Variants in NRXN3 observed in about 807,000 individuals in gnomAD.
NRXN3 encodes the protein neurexin III.
In NRXN3, 32 loss-of-function variants were observed where a neutral mutation model predicts 137.6. The ratio of observed to expected loss-of-function variants is 0.23; its 90% CI spans 0.18 to 0.31. The LOEUF (loss-of-function observed/expected upper bound fraction) is 0.31. Ranked by LOEUF, NRXN3 falls within the 10% of genes least tolerant of loss-of-function variation. The probability of loss-of-function intolerance (pLI) is 1.00; values close to 1 mark genes in which losing one functional copy is unlikely to be tolerated. For missense variants in NRXN3, 1,574 were observed against 2,062.5 expected (o/e 0.76, Z 4.59); for synonymous variants, 798 against 784.5 (o/e 1.02, Z -0.29).
In NRXN3 at chr14:78,868,036, T is replaced by C. The variant is rs547893161; in HGVS notation, c.2275+57692T>C. Among the ~76,000 whole-genome samples the C allele has an allele frequency of 4.9e-4, 73 of 148,360 alleles. 1 individual carries two copies. The highest frequency in any genetic ancestry group is 3.6e-3 in the Middle Eastern group (1 of 280). ...AATTTATTATAAATTTATATATAAA[T>C]TTTAATATAAAATATACTTAATTTT... is the stretch of plus-strand genomic sequence containing the variant. On this transcript the variant is annotated intron_variant, in intron 10 of 20. Coordinates refer to ENST00000335750, the MANE Select transcript of NRXN3 (RefSeq NM_001330195.2).
chr14:79,582,953 T>C (rs1397523904), intron 16 of NRXN3, among the ~76,000 whole-genome samples: 1 of 152,202 alleles, frequency 6.6e-6, no homozygotes, highest in African/African-American at 2.4e-5. Flanking sequence ...CAAGTTAGTC[T>C]TAGGTATCTT....
At position 79,684,423 on chromosome 14, in the gene NRXN3, T is replaced by C. The variant is rs545847265; in HGVS notation, c.3617-7750T>C. Among the ~76,000 whole-genome samples, 4 of 152,272 alleles carry C rather than the reference T, an allele frequency of 2.6e-5. No individual in the cohort carries two copies. In the South Asian group the frequency reaches 8.3e-4, roughly 32 times the overall value. ...TGTGGGTGGTGACTAGAACAGTGAT[T>C]GTTACTTTTAGATATTTTGGGAATA... On this transcript the variant is annotated intron_variant, in intron 17 of 20. Transcript: ENST00000335750.
intron 4 of NRXN3, among the ~76,000 whole-genome samples, chr14:78,541,527 A>G (rs1244740525): frequency 1.3e-5 from 2 of 152,010 alleles, no homozygotes. Flanking sequence ...ATATTTTTTC[A>G]AGGTTCTTAG....
intron 15 of NRXN3, among the ~76,000 whole-genome samples, chr14:79,306,795 C>T (rs1477073079): frequency 6.6e-6 from 1 of 152,110 alleles, no homozygotes; most frequent in Non-Finnish European, 1.5e-5. Context: ...TTTTCAACAC[C>T]TTCCATTAAC....
intron 6 of NRXN3, among the ~76,000 whole-genome samples, chr14:78,675,135 C>T (rs2097987831): frequency 6.6e-6 from 1 of 152,164 alleles, no homozygotes; most frequent in Non-Finnish European, 1.5e-5. Context: ...TCTCTCTGGT[C>T]TCCTTGTCCT....
At position 79,021,921 on chromosome 14, in the gene NRXN3, T is replaced by C. The variant is rs77496834; in HGVS notation, c.3262+33780T>C. ...AGTTGTGGCATAGTGTTGGGTGATTTAAAACTCAGGGGCAAGACAGTAAAC... is the reference window on the plus strand; with the variant it reads ...AGTTGTGGCATAGTGTTGGGTGATTCAAAACTCAGGGGCAAGACAGTAAAC... On this transcript the variant is annotated intron_variant, in intron 15 of 20. Transcript: ENST00000335750. 7.0e-3 allele frequency among the ~76,000 whole-genome samples: 1,059 copies of C among 152,288 alleles called. 12 individuals carry two copies. Among genetic ancestry groups the C allele is most frequent in the African/African-American group, 0.024 (1,005 of 41,570 alleles).
At position 78,645,214 on chromosome 14, in the gene NRXN3, C is replaced by A; in HGVS notation, c.852C>A (p.Thr284=). ...NPIQSSSDEI[T]LSFKTWQRNG... is the part of the protein sequence containing the mutation. ...TCCAGAGCAGCAGTGATGAAATCAC[C>A]CTCTCCTTTAAGACCTGGCAGCGTA... is the stretch of plus-strand genomic sequence containing the variant. The change falls in exon 5 of 21, where the codon ACC becomes ACA. Residue 284 remains threonine (T), a synonymous_variant. Transcript: ENST00000335750. 6.3e-7 allele frequency: 1 copy of A among 1,598,354 alleles called. No individual in the cohort carries two copies. The highest frequency in any genetic ancestry group is 8.5e-7 in the Non-Finnish European group (1 of 1,179,676).
chr14:78,805,654 G>T (rs2098861008), intron 9 of NRXN3, among the ~76,000 whole-genome samples: 1 of 149,894 alleles, frequency 6.7e-6, no homozygotes, highest in Non-Finnish European at 1.5e-5. Context: ...CACTGAAAAA[G>T]ATGATGAAGA....
chr14:78,782,445 A>C (rs1049263211), intron 8 of NRXN3, among the ~76,000 whole-genome samples: 2 of 152,304 alleles, frequency 1.3e-5, no homozygotes, highest in Admixed American at 1.3e-4. Flanking sequence ...ACTCTGAAAA[A>C]CAACGCCTCT....
chr14:79,675,282 C>T (rs1214000026), intron 17 of NRXN3, among the ~76,000 whole-genome samples: 1 of 151,936 alleles, frequency 6.6e-6, no homozygotes, highest in Non-Finnish European at 1.5e-5. Context: ...ATATTAACTT[C>T]AATATTTTAT....
intron 15 of NRXN3, among the ~76,000 whole-genome samples, chr14:79,109,900 A>C (rs1002575968): frequency 6.6e-6 from 1 of 152,090 alleles, no homozygotes. Flanking sequence ...TTTCTATTTA[A>C]AAAATAATAA....
At chr14:79,283,413 T>C (rs2081622068) in intron 15 of NRXN3, among the ~76,000 whole-genome samples, 2 of 152,144 alleles carry the variant, frequency 1.3e-5, no homozygotes, top group South Asian at 2.1e-4. Context: ...CTTTCTCTAC[T>C]ATCCAGACCT....
rs1433038058 is a variant in NRXN3, at chr14:79,348,391, T to TTG, written c.3263-118829_3263-118828insGT. On this transcript the variant is annotated intron_variant, in intron 15 of 20. Transcript: ENST00000335750. Reference sequence around the variant, plus strand: ...TTAATCTTCTCTCTTTTTTTTTTTTTTTGAGACAGAGTCTCGCTCTGTCGC... The same window carrying TTG: ...TTAATCTTCTCTCTTTTTTTTTTTTTTGTTGAGACAGAGTCTCGCTCTGTCGC... Among the ~76,000 whole-genome samples the TTG allele has an allele frequency of 2.2e-4, 33 of 151,546 alleles. No individual in the cohort carries two copies. In the South Asian group the frequency reaches 4.6e-3, roughly 21 times the overall value.
chr14:79,024,606 T>C (rs1202730235), intron 15 of NRXN3, among the ~76,000 whole-genome samples: 1 of 152,122 alleles, frequency 6.6e-6, no homozygotes, highest in Non-Finnish European at 1.5e-5. Context: ...CAGAACATCA[T>C]TTTAGTGCAG....
In NRXN3 at chr14:78,926,753, A is replaced by T. The variant is rs1426572873; in HGVS notation, c.2276-30489A>T. ...TAATATAAAATATATATTATATATTATATATATATTATATATATTATATAT... is the reference window on the plus strand; with the variant it reads ...TAATATAAAATATATATTATATATTTTATATATATTATATATATTATATAT... On this transcript the variant is annotated intron_variant, in intron 10 of 20. Transcript: ENST00000335750. 6.4e-4 allele frequency among the ~76,000 whole-genome samples: 35 copies of T among 55,038 alleles called. 1 individual carries two copies. The highest frequency in any genetic ancestry group is 4.1e-3 in the African/African-American group (35 of 8,458). The allele number at this position is 55,038 out of a possible 152,430, so 36.1% of individuals were successfully genotyped here.
rs553962533 is a variant in NRXN3, at chr14:78,194,828, G to T, written c.-704+24154G>T. ...ATTTCAGCCTTGAGCCCTCTCAGGG[G>T]CCCAGCCAGCAATCTACGCCCCGGC... On this transcript the variant is annotated intron_variant, in intron 1 of 20. Transcript: ENST00000335750. Among the ~76,000 whole-genome samples, 53 of 152,198 alleles carry T rather than the reference G, an allele frequency of 3.5e-4. 1 individual carries two copies. Among genetic ancestry groups the T allele is most frequent in the Non-Finnish European group, 7.3e-4 (50 of 68,028 alleles).
intron 15 of NRXN3, among the ~76,000 whole-genome samples, chr14:79,163,602 C>T (rs2061008431): frequency 2.0e-5 from 3 of 151,744 alleles, no homozygotes; most frequent in Non-Finnish European, 4.4e-5. Flanking sequence ...ACTCTGTTTA[C>T]CCCCATTGTA....
intron 15 of NRXN3, among the ~76,000 whole-genome samples, chr14:79,347,766 A>G (rs1161305207): frequency 6.6e-6 from 1 of 152,174 alleles, no homozygotes; most frequent in Non-Finnish European, 1.5e-5. Flanking sequence ...TGGTATTGAC[A>G]CAGAAATGCT....
intron 15 of NRXN3, among the ~76,000 whole-genome samples, chr14:79,358,427 A>T (rs918329832): frequency 1.3e-5 from 2 of 151,132 alleles, no homozygotes; most frequent in Non-Finnish European, 2.9e-5. Flanking sequence ...AAACAAAATC[A>T]GCCAGGCATG....
Sources: gnomAD v4.1 joint callset for allele counts (sites outside exome capture counted in the v4.1 genomes callset) on GRCh38, gnomAD v4.1.1 for gene constraint, MANE v1.5 for transcripts, NCBI Gene and HGNC (gene_info 2026-07-23, HGNC 2026-07-21) for gene names.